The following PHACTR2 variants were observed in gnomAD, a reference collection of about 807,000 sequenced individuals.
The protein encoded by PHACTR2 is chromosome 6 open reading frame 56.
Under a neutral mutation model 76.0 loss-of-function variants are expected in PHACTR2, and 30 were observed. The ratio of observed to expected loss-of-function variants is 0.39; its 90% CI spans 0.30 to 0.54. The LOEUF is 0.54. Among genes scored for constraint, PHACTR2 ranks in the 20% least tolerant of loss-of-function variants. The pLI is 0.61. For synonymous variants in PHACTR2, 292 were observed against 292.5 expected (o/e 1.00, Z 0.02); for missense variants, 696 against 781.1 (o/e 0.89, Z 1.30).
chr6:143,815,686 G>A (rs1344222865), intron 12 of PHACTR2, among the ~76,000 whole-genome samples: 5 of 151,764 alleles, frequency 3.3e-5, no homozygotes, highest in Admixed American at 2.6e-4. Flanking sequence ...TGAGGTCAGG[G>A]GTTCAAGACC....
At position 143,589,565 on chromosome 6, in the gene PHACTR2, G is replaced by T. The variant is rs775626766; in HGVS notation, c.217+52358G>T. Among the ~76,000 whole-genome samples, 1 of 152,056 alleles carries T rather than the reference G, an allele frequency of 6.6e-6. No individual in the cohort carries two copies. Among genetic ancestry groups the T allele is most frequent in the Non-Finnish European group, 1.5e-5 (1 of 67,996 alleles). On this transcript the variant is annotated intron_variant, in intron 1 of 11. Transcript: ENST00000367584. The surrounding 1 kb of genome is among the most constrained non-coding windows in gnomAD (Gnocchi z 4.4). The stretch of plus-strand genomic sequence containing the variant: ...GCGAGAACAGACTGATACAACTGCC[G>T]TCTTGTATCCTCAGGTGGTCTTTTC...
intron 1 of PHACTR2, among the ~76,000 whole-genome samples, chr6:143,655,456 G>A (rs1776833527): frequency 6.6e-6 from 1 of 152,074 alleles, no homozygotes; most frequent in Non-Finnish European, 1.5e-5. Context: ...TTAAATTGGT[G>A]AATTGTATGC....
In PHACTR2 at chr6:143,806,001, CTTATCA is replaced by C. The variant is rs1477967630; in HGVS notation, c.1846-1053_1846-1048del. On this transcript the variant is annotated intron_variant, in intron 11 of 12. Transcript: ENST00000440869. The surrounding 1 kb of genome is among the most constrained non-coding windows in gnomAD (Gnocchi z 5.8). ...CTCCCAGTGAAGTCACTCCCTGTGA[CTTATCA>C]TTCTTAGTTTTGGCTGAAGAGTCCA... Among the ~76,000 whole-genome samples, 1 of 152,154 alleles carries C rather than the reference CTTATCA, an allele frequency of 6.6e-6. No individual in the cohort carries two copies. The highest frequency in any genetic ancestry group is 1.5e-5 in the Non-Finnish European group (1 of 68,018).
At chr6:143,759,495 C>T (rs1425026334) in intron 4 of PHACTR2, among the ~76,000 whole-genome samples, 1 of 152,060 alleles carries the variant, frequency 6.6e-6, no homozygotes, top group East Asian at 1.9e-4. Flanking sequence ...CTCTACAAAA[C>T]ATTCAAAAAT....
intron 2 of PHACTR2, among the ~76,000 whole-genome samples, chr6:143,737,506 T>G (rs1294138226): frequency 6.6e-6 from 1 of 152,164 alleles, no homozygotes; most frequent in African/African-American, 2.4e-5. Flanking sequence ...ATATTCTTCC[T>G]TCTACATTTC....
In PHACTR2 at chr6:143,654,334, T is replaced by C. The variant is rs540233044; in HGVS notation, c.13+46012T>C. Reference sequence around the variant, plus strand: ...GTTACCATATGAACAGCAATTCTACTTCTAGGTATATACCCAAAAAAATGA... The same window carrying C: ...GTTACCATATGAACAGCAATTCTACCTCTAGGTATATACCCAAAAAAATGA... On this transcript the variant is annotated intron_variant, in intron 1 of 11. Coordinates refer to the PHACTR2 transcript ENST00000305766. The surrounding 1 kb of genome is among the most constrained non-coding windows in gnomAD (Gnocchi z 4.6). 6.6e-6 allele frequency among the ~76,000 whole-genome samples: 1 copy of C among 152,336 alleles called. No homozygotes were observed. The highest frequency in any genetic ancestry group is 1.9e-4 in the East Asian group (1 of 5,182).
At chr6:143,626,985 A>G (rs1776273936) in intron 1 of PHACTR2, among the ~76,000 whole-genome samples, 1 of 152,240 alleles carries the variant, frequency 6.6e-6, no homozygotes, top group Non-Finnish European at 1.5e-5. Flanking sequence ...TAGGTTGATT[A>G]TTAGTGCTTT....
intron 11 of PHACTR2, among the ~76,000 whole-genome samples, chr6:143,790,407 G>A (rs772419771): frequency 3.3e-5 from 5 of 152,104 alleles, no homozygotes; most frequent in Non-Finnish European, 5.9e-5. Context: ...CAGTACTTAT[G>A]TGAAAGAGGC....
In PHACTR2 at chr6:143,772,248, C is replaced by T. The variant is rs1775170520; in HGVS notation, c.1233-10C>T. Reference sequence around the variant, plus strand: ...TTCACATCACTCCCATGCTTTTCTGCCTTTAACAGTTTCACAACCAAAGAG... The same window carrying T: ...TTCACATCACTCCCATGCTTTTCTGTCTTTAACAGTTTCACAACCAAAGAG... On this transcript the variant is annotated splice_polypyrimidine_tract_variant and intron_variant, in intron 6 of 12. Transcript: ENST00000440869. The surrounding 1 kb of genome is among the most constrained non-coding windows in gnomAD (Gnocchi z 5.4). 1 of 1,607,692 alleles carries T rather than the reference C, an allele frequency of 6.2e-7. No homozygotes were observed. Among genetic ancestry groups the T allele is most frequent in the African/African-American group, 1.3e-5 (1 of 74,766 alleles).
intron 1 of PHACTR2, among the ~76,000 whole-genome samples, chr6:143,568,492 C>T (rs1562238953): frequency 6.6e-6 from 1 of 152,150 alleles, no homozygotes; most frequent in Non-Finnish European, 1.5e-5. Flanking sequence ...GGAGGGAGAA[C>T]CTGTGTGTTC....
At chr6:143,735,557 A>G (rs1158046480) in intron 2 of PHACTR2, among the ~76,000 whole-genome samples, 2 of 152,178 alleles carry the variant, frequency 1.3e-5, no homozygotes, top group African/African-American at 4.8e-5. Flanking sequence ...ATCTTGCAAA[A>G]TGAAAACTCT....
intron 1 of PHACTR2, among the ~76,000 whole-genome samples, chr6:143,576,014 C>A (rs1048042830): frequency 6.6e-6 from 1 of 152,222 alleles, no homozygotes; most frequent in Non-Finnish European, 1.5e-5. Flanking sequence ...TCAGACAAAG[C>A]CAATGTCCTT....
intron 10 of PHACTR2, 115 bp from the exon 11 acceptor site, chr6:143,788,658 G>C (rs897837672): frequency 8.9e-6 from 3 of 337,424 alleles, no homozygotes; most frequent in Non-Finnish European, 1.4e-5. Context: ...TTTTTTTTTT[G>C]ATCTGAAAGT....
intron 2 of PHACTR2, among the ~76,000 whole-genome samples, chr6:143,736,487 A>G (rs909117384): frequency 6.6e-6 from 1 of 151,622 alleles, no homozygotes; most frequent in African/African-American, 2.4e-5. Context: ...TATACAGGAG[A>G]AATGGAAAGT....
At chr6:143,634,309 A>G (rs961846638) in intron 1 of PHACTR2, among the ~76,000 whole-genome samples, 13 of 152,242 alleles carry the variant, frequency 8.5e-5, no homozygotes, top group Non-Finnish European at 1.8e-4. Context: ...TTCAAAGGCT[A>G]TAATTAAACA....
At chr6:143,612,126 A>G (rs2128437945) in intron 1 of PHACTR2, among the ~76,000 whole-genome samples, 2 of 152,360 alleles carry the variant, frequency 1.3e-5, no homozygotes, top group Middle Eastern at 3.4e-3. Flanking sequence ...AGGATTAAAA[A>G]GGATTCCTGC....
chr6:143,809,277 T>G lies in PHACTR2; in HGVS notation c.1922+2144T>G, dbSNP rs955690394. Among the ~76,000 whole-genome samples the G allele has an allele frequency of 3.3e-5, 5 of 152,258 alleles. No individual in the cohort carries two copies. The highest frequency in any genetic ancestry group is 1.2e-4 in the African/African-American group (5 of 41,470). On this transcript the variant is annotated intron_variant, in intron 12 of 12. Coordinates refer to ENST00000440869, the MANE Select transcript of PHACTR2 (RefSeq NM_001100164.2). The surrounding 1 kb of genome is among the most constrained non-coding windows in gnomAD (Gnocchi z 4.2). ...ACTAAAAGAGGTTCTTTCTGTTCTGTTGTACTCTATATGAAGAAGCACAAT... is the reference window on the plus strand; with the variant it reads ...ACTAAAAGAGGTTCTTTCTGTTCTGGTGTACTCTATATGAAGAAGCACAAT...
rs1582672254 is a variant in PHACTR2 at position 143,562,048 on chromosome 6, A to G, written c.217+24841A>G. Reference sequence around the variant, plus strand: ...GCAGAGCTTCTGCTCATTCTTCAAAACCCTAGTCAGATATTGTTACTTCAC... The same window carrying G: ...GCAGAGCTTCTGCTCATTCTTCAAAGCCCTAGTCAGATATTGTTACTTCAC... On this transcript the variant is annotated intron_variant, in intron 1 of 11. Coordinates refer to the PHACTR2 transcript ENST00000367584. This position sits in a 1 kb window ranked among gnomAD's most constrained non-coding sequence, Gnocchi z 5.1. 6.6e-6 allele frequency: 1 copy of G among 151,492 alleles called. No homozygotes were observed. 9.4% of individuals were successfully genotyped at this position (151,492 alleles called of 1,614,324 possible).
Position 143,608,400 on chromosome 6 carries a change from C to T in PHACTR2, c.13+78C>T. ...GCATCCTTTACTGCGGAAGGTTTGC[C>T]TATTTGTTGCTCTCGTTTTGCACTT... On this transcript the variant is annotated intron_variant, in intron 1 of 11. Transcript: ENST00000305766. This position sits in a 1 kb window ranked among gnomAD's most constrained non-coding sequence, Gnocchi z 4.6. The T allele has an allele frequency of 6.9e-7, 1 of 1,445,270 alleles. No individual in the cohort carries two copies. The highest frequency in any genetic ancestry group is 2.3e-5 in the East Asian group (1 of 43,950). The allele number at this position is 1,445,270 out of a possible 1,614,324, so 89.5% of individuals were successfully genotyped here. A position where few individuals can be genotyped will look rare whatever the true frequency, so the allele number is the denominator to read the frequency against.
Sources: gnomAD v4.1 joint callset for allele counts (sites outside exome capture counted in the v4.1 genomes callset) on GRCh38, gnomAD v4.1.1 for gene constraint, Gnocchi (gnomAD v3.1) non-coding constraint, MANE v1.5 for transcripts, NCBI Gene and HGNC (gene_info 2026-07-23, HGNC 2026-07-21) for gene names.